Variants in PREX1 observed in about 807,000 individuals in gnomAD.
PREX1 encodes the protein phosphatidylinositol-3,4,5-trisphosphate dependent Rac exchange factor 1, also known as phosphatidylinositol 3,4,5-trisphosphate-dependent Rac exchanger 1 protein.
A neutral mutation model predicts 198.3 loss-of-function variants in PREX1; 41 were observed. The ratio of observed to expected loss-of-function variants is 0.21; its 90% CI spans 0.16 to 0.27. The LOEUF (loss-of-function observed/expected upper bound fraction) is 0.27. Ranked by LOEUF, PREX1 falls within the 10% of genes least tolerant of loss-of-function variation. PREX1 has a pLI of 1.00. For synonymous variants in PREX1, 843 were observed against 887.2 expected (o/e 0.95, Z 0.89); for missense variants, 1,620 against 2,200.7 (o/e 0.74, Z 5.28).
intron 3 of PREX1, among the ~76,000 whole-genome samples, chr20:48,736,931 C>T (rs1195677067): frequency 1.3e-5 from 2 of 152,070 alleles, no homozygotes; most frequent in Non-Finnish European, 2.9e-5. Flanking sequence ...CCAAGTCTCC[C>T]GGTCACCAGC....
chr20:48,786,086 T>A (rs1274625853), intron 1 of PREX1, among the ~76,000 whole-genome samples: 2 of 151,534 alleles, frequency 1.3e-5, no homozygotes, highest in Non-Finnish European at 1.5e-5. Context: ...CCCGAGCATC[T>A]GAGGAGCAGC....
In PREX1 at chr20:48,634,662, G is replaced by A. The variant is rs1601029976; in HGVS notation, c.4267+14C>T. Reference sequence around the variant, plus strand: ...CCCCACCTCTCACAGTGGGGGATGGGAGAAATCACTCACTGGCCACATAGT... The same window carrying A: ...CCCCACCTCTCACAGTGGGGGATGGAAGAAATCACTCACTGGCCACATAGT... On this transcript the variant is annotated intron_variant, in intron 33 of 39. Transcript: ENST00000371941. The A allele has an allele frequency of 6.2e-7, 1 of 1,612,766 alleles. No homozygotes were observed.
At position 48,653,425 on chromosome 20, in the gene PREX1, T is replaced by C. The variant is rs146210678; in HGVS notation, c.2282A>G (p.Asn761Ser). 1,338 of 1,613,878 alleles carry C rather than the reference T, an allele frequency of 8.3e-4. 3 individuals are homozygous for C. In the Middle Eastern group the frequency reaches 9.7e-3, roughly 12 times the overall value. The change falls in exon 20 of 40, where the codon AAC becomes AGC. Residue 761 changes from asparagine to serine, a missense_variant. Coordinates refer to ENST00000371941, the MANE Select transcript of PREX1 (RefSeq NM_020820.4). Reference sequence around the variant, plus strand: ...CTCCAGGACCTCAGGGGCACCATCGTTCATCACGTTGCTGCCATTGACCTT... The same window carrying C: ...CTCCAGGACCTCAGGGGCACCATCGCTCATCACGTTGCTGCCATTGACCTT... ...ILKVNGSNVM[N>S]DGAPEVLEHF...
At chr20:48,825,041 G>C (rs2123088180) in intron 1 of PREX1, among the ~76,000 whole-genome samples, 1 of 152,276 alleles carries the variant, frequency 6.6e-6, no homozygotes, top group African/African-American at 2.4e-5. Context: ...AAGAGAGAGT[G>C]GGAAGACAGA....
At chr20:48,773,850 G>A (rs1452011853) in intron 1 of PREX1, among the ~76,000 whole-genome samples, 1 of 152,210 alleles carries the variant, frequency 6.6e-6, no homozygotes, top group East Asian at 1.9e-4. Context: ...GGGCCATCTG[G>A]CTGTGTGTGA....
rs2089251199 is a variant in PREX1, at chr20:48,624,273, T to A, written c.*1612A>T. 6.6e-6 allele frequency: 1 copy of A among 152,450 alleles called. No homozygotes were observed. Among genetic ancestry groups the A allele is most frequent in the Admixed American group, 6.6e-5 (1 of 15,256 alleles). The allele number at this position is 152,450 out of a possible 1,614,324, so 9.4% of individuals were successfully genotyped here. A position where few individuals can be genotyped will look rare whatever the true frequency, so the allele number is the denominator to read the frequency against. ...GTTCTTTGTATTATAAACTGACTTTTAATAATAATAAAAAATCTATCAAGA... is the reference window on the plus strand; with the variant it reads ...GTTCTTTGTATTATAAACTGACTTTAAATAATAATAAAAAATCTATCAAGA... On this transcript the variant is annotated 3_prime_UTR_variant, in exon 40 of 40. Coordinates refer to ENST00000371941, the MANE Select transcript of PREX1 (RefSeq NM_020820.4).
intron 9 of PREX1, 67 bp downstream of exon 9, chr20:48,690,880 C>T (rs751392974): frequency 6.2e-6 from 10 of 1,601,350 alleles, no homozygotes; most frequent in Non-Finnish European, 6.8e-6. Flanking sequence ...CTAGACACAG[C>T]CCCCACTCAG....
rs142763753 is a variant in PREX1, at chr20:48,742,145, G to A, written c.414+2880C>T. Among the ~76,000 whole-genome samples, 11 of 152,244 alleles carry A rather than the reference G, an allele frequency of 7.2e-5. No homozygotes were observed. In the East Asian group the frequency reaches 1.4e-3, roughly 19 times the overall value. On this transcript the variant is annotated intron_variant, in intron 3 of 39. Transcript: ENST00000371941. The stretch of plus-strand genomic sequence containing the variant: ...AGCAGCTTTGTGAGGCTGGAAGGAC[G>A]GGAGCCCTGCTGAGGTGCAGGGGGG...
chr20:48,777,473 G>C (rs190523205), intron 1 of PREX1, among the ~76,000 whole-genome samples: 83 of 152,162 alleles, frequency 5.5e-4, no homozygotes, highest in Admixed American at 2.7e-3. Flanking sequence ...TACAGACAGG[G>C]CCTCCGGCGG....
chr20:48,776,346 C>T (rs183616541), intron 1 of PREX1, among the ~76,000 whole-genome samples: 1 of 152,282 alleles, frequency 6.6e-6, no homozygotes, highest in African/African-American at 2.4e-5. Flanking sequence ...TGGACCCCGC[C>T]CCCCTCAGAC....
chr20:48,645,064 T>C (rs1185554386), intron 26 of PREX1, among the ~76,000 whole-genome samples: 9 of 152,344 alleles, frequency 5.9e-5, no homozygotes, highest in Middle Eastern at 3.4e-3. Flanking sequence ...GACATGAGGC[T>C]CTGGGGGCAC....
chr20:48,706,789 C>T (rs2089905381), intron 6 of PREX1, among the ~76,000 whole-genome samples: 1 of 152,176 alleles, frequency 6.6e-6, no homozygotes, highest in Non-Finnish European at 1.5e-5. Flanking sequence ...AAGCCACGTA[C>T]TTTTAAGCAA....
At chr20:48,828,408 C>T (rs1883462729), upstream of PREX1, among the ~76,000 whole-genome samples, 1 of 152,128 alleles carries the variant, frequency 6.6e-6, no homozygotes, top group Non-Finnish European at 1.5e-5. Flanking sequence ...CTTGCAGGTC[C>T]GGCCGCTGCT....
chr20:48,717,501 A>T (rs1206167526), intron 5 of PREX1, among the ~76,000 whole-genome samples: 1 of 151,662 alleles, frequency 6.6e-6, no homozygotes, highest in Non-Finnish European at 1.5e-5. Context: ...CCACTTTAAA[A>T]AAAAAAAAAA....
At chr20:48,855,036 AACAT>A in the PREX1 span, among the ~76,000 whole-genome samples, 27 of 152,296 alleles carry the variant, frequency 1.8e-4, no homozygotes, top group African/African-American at 5.1e-4. Context: ...GCTTAGTAAT[AACAT>A]ACTTAAAGTC....
intron 1 of PREX1, among the ~76,000 whole-genome samples, chr20:48,825,357 G>A (rs1203232031): frequency 6.6e-6 from 1 of 152,184 alleles, no homozygotes; most frequent in South Asian, 2.1e-4. Flanking sequence ...GTCAGGACAC[G>A]TAGCATGATT....
the PREX1 span, among the ~76,000 whole-genome samples, chr20:48,836,392 C>T: frequency 3.9e-5 from 6 of 152,298 alleles, no homozygotes; most frequent in East Asian, 1.2e-3. Context: ...CAGAATGAGG[C>T]AGCCAGTGAA....
chr20:48,877,565 C>A, the PREX1 span, among the ~76,000 whole-genome samples: 1 of 152,204 alleles, frequency 6.6e-6, no homozygotes. Flanking sequence ...GTGTGGGTCA[C>A]ATGCTGATCT....
intron 1 of PREX1, among the ~76,000 whole-genome samples, chr20:48,813,378 A>G (rs748619141): frequency 2.6e-5 from 4 of 152,168 alleles, no homozygotes; most frequent in Non-Finnish European, 5.9e-5. Context: ...GCCAAATACA[A>G]TGCGTGATCC....
Sources: allele counts gnomAD v4.1 joint callset (sites outside exome capture counted in the v4.1 genomes callset), GRCh38; gene constraint gnomAD v4.1.1; transcripts MANE v1.5; gene names NCBI Gene and HGNC (gene_info 2026-07-23, HGNC 2026-07-21).